The following SLC22A4 variants were observed in gnomAD, a reference collection of about 807,000 sequenced individuals.
The protein encoded by SLC22A4 is ET transporter.
Under a neutral mutation model 56.6 loss-of-function variants are expected in SLC22A4, and 39 were observed. The observed-to-expected ratio is 0.69, with a 90% confidence interval of 0.53 to 0.90. SLC22A4 has a LOEUF of 0.90. SLC22A4 is among the 40% of genes least tolerant of loss of function. The pLI is 0.00. For missense variants in SLC22A4, 594 were observed against 696.5 expected (o/e 0.85, Z 1.66); for synonymous variants, 241 against 281.4 (o/e 0.86, Z 1.44).
chr5:132,303,861 G>A (rs1463260588), intron 1 of SLC22A4, among the ~76,000 whole-genome samples: 2 of 152,138 alleles, frequency 1.3e-5, no homozygotes, highest in African/African-American at 4.8e-5. Context: ...CTCTACAACA[G>A]GAGCTCAGAT....
intron 3 of SLC22A4, among the ~76,000 whole-genome samples, chr5:132,317,018 T>C (rs1750379919): frequency 6.6e-6 from 1 of 152,170 alleles, no homozygotes; most frequent in African/African-American, 2.4e-5. Flanking sequence ...GGCTGCCTTC[T>C]CCCTAAGTCC....
intron 9 of SLC22A4, among the ~76,000 whole-genome samples, chr5:132,341,480 A>G (rs1427200127): frequency 2.6e-5 from 4 of 152,200 alleles, no homozygotes; most frequent in Admixed American, 2.6e-4. Context: ...CAATGTGATA[A>G]TGGTATAGGA....
chr5:132,327,148 T>C, intron 4 of SLC22A4, 129 bp from the exon 5 acceptor site: 1 of 692,572 alleles, frequency 1.4e-6, no homozygotes, highest in Non-Finnish European at 2.4e-6. Context: ...ATAGAAATCT[T>C]ATGTGGACTC....
rs568694003 is a variant in SLC22A4, at chr5:132,321,929, A to T, written c.653-255A>T. 3.3e-3 allele frequency among the ~76,000 whole-genome samples: 500 copies of T among 151,826 alleles called. 4 individuals carry two copies. The highest frequency in any genetic ancestry group is 0.011 in the African/African-American group (470 of 41,420). On this transcript the variant is annotated intron_variant, in intron 3 of 9. Coordinates refer to ENST00000200652, the MANE Select transcript of SLC22A4 (RefSeq NM_003059.3). Reference sequence around the variant, plus strand: ...TCTCAAAAATAATAATAATAATAATAAATTAATTAAAAATAAATAAATAAA... The same window carrying T: ...TCTCAAAAATAATAATAATAATAATTAATTAATTAAAAATAAATAAATAAA...
At chr5:132,336,077 G>A (rs1751018961) in intron 8 of SLC22A4, 77 bp downstream of exon 8, 2 of 1,377,912 alleles carry the variant, frequency 1.5e-6, no homozygotes, top group African/African-American at 1.4e-5. Flanking sequence ...TTGTGAAAAT[G>A]TCAAATAGCA....
rs570933621 is a variant in SLC22A4, at chr5:132,308,038, C to A, written c.394-4123C>A. Among the ~76,000 whole-genome samples the A allele has an allele frequency of 2.0e-5, 3 of 152,322 alleles. No homozygotes were observed. The East Asian group carries it at 5.8e-4, about 29-fold the overall frequency. On this transcript the variant is annotated intron_variant, in intron 1 of 9. Coordinates refer to ENST00000200652, the MANE Select transcript of SLC22A4 (RefSeq NM_003059.3). ...TATTCATTCAACAATTTGTTAAGCA[C>A]CCACTGTGTGCCTAGCACTGTGCAA...
chr5:132,321,713 G>T (rs1330650957), intron 3 of SLC22A4, among the ~76,000 whole-genome samples: 2 of 152,136 alleles, frequency 1.3e-5, no homozygotes, highest in African/African-American at 4.8e-5. Flanking sequence ...TTCAAGACCA[G>T]CCTGGCCAAC....
At chr5:132,310,170 C>G (rs1417106119) in intron 1 of SLC22A4, among the ~76,000 whole-genome samples, 1 of 152,224 alleles carries the variant, frequency 6.6e-6, no homozygotes, top group Non-Finnish European at 1.5e-5. Flanking sequence ...AAGCAGGACA[C>G]TGGTACAAGA....
rs150873578 is a variant in SLC22A4 at position 132,297,444 on chromosome 5, A to G, written c.393+2435A>G. Among the ~76,000 whole-genome samples, 15 of 152,340 alleles carry G rather than the reference A, an allele frequency of 9.8e-5. No homozygotes were observed. In the East Asian group the frequency reaches 2.9e-3, roughly 29 times the overall value. On this transcript the variant is annotated intron_variant, in intron 1 of 9. Transcript: ENST00000200652. ...GGCTCTCCCCCAGAGGGGCGGCAGC[A>G]CACAGAGTTCTGGAGTCAGACTCAG...
intron 5 of SLC22A4, among the ~76,000 whole-genome samples, chr5:132,329,417 A>G (rs909503712): frequency 1.3e-5 from 2 of 151,674 alleles, no homozygotes; most frequent in Admixed American, 1.3e-4. Context: ...CCCTATTTAG[A>G]ATGATATTGA....
chr5:132,331,890 ATAAG>A lies in SLC22A4; in HGVS notation c.1046+43_1046+46del. 2.4e-6 allele frequency: 3 copies of A among 1,242,106 alleles called. No individual in the cohort carries two copies. The East Asian group carries it at 7.0e-5, about 29-fold the overall frequency. The allele number at this position is 1,242,106 out of a possible 1,614,324, so 76.9% of individuals were successfully genotyped here. Reference sequence around the variant, plus strand: ...ACCTGGAAATGCAGATATCCAGCACATAAGTATGCAACTGATTTTCTTAACTCAG... The same window carrying A: ...ACCTGGAAATGCAGATATCCAGCACATATGCAACTGATTTTCTTAACTCAG... On this transcript the variant is annotated intron_variant, in intron 6 of 9. Coordinates refer to ENST00000200652, the MANE Select transcript of SLC22A4 (RefSeq NM_003059.3).
At chr5:132,331,006 C>T (rs1037690240) in intron 5 of SLC22A4, among the ~76,000 whole-genome samples, 1 of 152,008 alleles carries the variant, frequency 6.6e-6, no homozygotes. Context: ...GCCCAAGGCC[C>T]GCCAGTAAAC....
At chr5:132,297,723 T>C (rs1456289244) in intron 1 of SLC22A4, among the ~76,000 whole-genome samples, 2 of 151,120 alleles carry the variant, frequency 1.3e-5, no homozygotes, top group Non-Finnish European at 2.9e-5. Flanking sequence ...GGCAGGAGGA[T>C]TGCTAGGGGG....
chr5:132,320,318 C>A (rs141763762), intron 3 of SLC22A4, among the ~76,000 whole-genome samples: 42 of 152,352 alleles, frequency 2.8e-4, no homozygotes, highest in African/African-American at 1.0e-3. Flanking sequence ...CGCCCTTTCT[C>A]TTTTCCAAAA....
chr5:132,316,478 TG>T, intron 3 of SLC22A4, among the ~76,000 whole-genome samples: 1 of 152,348 alleles, frequency 6.6e-6, no homozygotes, highest in Non-Finnish European at 1.5e-5. Flanking sequence ...AATAGCCTTC[TG>T]GGTAGAATGC....
At chr5:132,337,098 T>G (rs2126740335) in intron 8 of SLC22A4, among the ~76,000 whole-genome samples, 1 of 150,810 alleles carries the variant, frequency 6.6e-6, no homozygotes, top group African/African-American at 2.4e-5. Flanking sequence ...TTTACTTACG[T>G]ATATTTGGAT....
rs373638073 is a variant in SLC22A4, at chr5:132,341,145, C to T, written c.1580+445C>T. Among the ~76,000 whole-genome samples the T allele has an allele frequency of 2.3e-3, 354 of 151,490 alleles. 1 individual carries two copies. The highest frequency in any genetic ancestry group is 0.02 in the South Asian group (95 of 4,772). On this transcript the variant is annotated intron_variant, in intron 9 of 9. Transcript: ENST00000200652. The stretch of plus-strand genomic sequence containing the variant: ...AAAAATAAATAAATAATAGGCCAGG[C>T]GCGGTGGCACATGCCTGTAATCCCA...
intron 1 of SLC22A4, among the ~76,000 whole-genome samples, chr5:132,297,017 A>G (rs1749794648): frequency 6.6e-6 from 1 of 152,182 alleles, no homozygotes; most frequent in South Asian, 2.1e-4. Flanking sequence ...TGGTGGAAGT[A>G]AAATAAAAAG....
intron 7 of SLC22A4, among the ~76,000 whole-genome samples, chr5:132,335,586 T>C (rs997697095): frequency 6.6e-6 from 1 of 152,216 alleles, no homozygotes; most frequent in East Asian, 1.9e-4. Context: ...GGTCACTGAA[T>C]GCATTAATGA....
Sources: gnomAD v4.1 joint callset for allele counts (sites outside exome capture counted in the v4.1 genomes callset) on GRCh38, gnomAD v4.1.1 for gene constraint, MANE v1.5 for transcripts, NCBI Gene and HGNC (gene_info 2026-07-23, HGNC 2026-07-21) for gene names.